Variants in ZFYVE26 observed in about 807,000 individuals in gnomAD.
ZFYVE26 encodes zinc finger FYVE domain-containing protein 26.
A neutral mutation model predicts 276.5 loss-of-function variants in ZFYVE26; 181 were observed. The observed-to-expected ratio is 0.65, with a 90% CI of 0.58 to 0.74. ZFYVE26 has a LOEUF of 0.74. Among genes scored for constraint, ZFYVE26 ranks in the 30% least tolerant of loss-of-function variants. The pLI, the probability that ZFYVE26 is intolerant of heterozygous loss-of-function variation, is 0.00. For synonymous variants in ZFYVE26, 1,129 were observed against 1,203.1 expected (o/e 0.94, Z 1.27); for missense variants, 2,821 against 3,097.9 (o/e 0.91, Z 2.12).
At chr14:67,767,603 A>T in intron 31 of ZFYVE26, 101 bp downstream of exon 31, 1 of 1,511,904 alleles carries the variant, frequency 6.6e-7, no homozygotes, top group Non-Finnish European at 9.2e-7. Flanking sequence ...TGCACTATAA[A>T]CAAGTAAAGG....
intron 13 of ZFYVE26, among the ~76,000 whole-genome samples, chr14:67,731,058 C>T (rs1425530788): frequency 6.6e-6 from 1 of 152,090 alleles, no homozygotes; most frequent in African/African-American, 2.4e-5. Context: ...AAATAAAGTA[C>T]ATATTTATTA....
chr14:67,803,487 G>A (rs187216639), intron 9 of ZFYVE26, among the ~76,000 whole-genome samples: 6 of 151,868 alleles, frequency 4.0e-5, no homozygotes, highest in Admixed American at 1.3e-4. Flanking sequence ...GATTACAGGC[G>A]CGCACCACCA....
intron 35 of ZFYVE26, among the ~76,000 whole-genome samples, chr14:67,758,943 T>A (rs1173075972): frequency 6.6e-6 from 1 of 152,070 alleles, no homozygotes; most frequent in African/African-American, 2.4e-5. Flanking sequence ...CAAATATGAA[T>A]TTTTTAAGAA....
rs140568985 is a variant in ZFYVE26, at chr14:67,808,391, C to T, written c.364-471G>A. Among the ~76,000 whole-genome samples the T allele has an allele frequency of 1.6e-3, 238 of 152,280 alleles. 1 individual carries two copies. The highest frequency in any genetic ancestry group is 5.4e-3 in the African/African-American group (223 of 41,550). On this transcript the variant is annotated intron_variant, in intron 4 of 41. Coordinates refer to ENST00000347230, the MANE Select transcript of ZFYVE26 (RefSeq NM_015346.4). ...CCATGCTTTCAGTCCATTCTTTATC[C>T]TACTACAAAAACCTTCTCCAATACC...
At position 67,780,322 on chromosome 14, in the gene ZFYVE26, T is replaced by G. The variant is rs748595362; in HGVS notation, c.4593A>C (p.Pro1531=). The G allele has an allele frequency of 6.2e-7, 1 of 1,613,636 alleles. No homozygotes were observed. The highest frequency in any genetic ancestry group is 1.7e-5 in the Admixed American group (1 of 59,990). The change falls in exon 23 of 42, where the codon CCA becomes CCC. Residue 1531 remains proline (P), a synonymous_variant. Transcript: ENST00000347230. Reference sequence around the variant, plus strand: ...TCAAGGTCTGCCAGTCACACCACACTGGGGGAGACTGCAAACCCAGAATCT... The same window carrying G: ...TCAAGGTCTGCCAGTCACACCACACGGGGGGAGACTGCAAACCCAGAATCT... ...YQKILGLQSP[P]VWCDWQTLRS...
intron 2 of ZFYVE26, among the ~76,000 whole-genome samples, chr14:67,814,561 A>C (rs534840940): frequency 5.3e-5 from 8 of 150,610 alleles, no homozygotes; most frequent in Non-Finnish European, 4.4e-5. Context: ...ACAAATCAGA[A>C]CCAGAACAGA....
intron 20 of ZFYVE26, among the ~76,000 whole-genome samples, 186 bp from the exon 21 acceptor site, chr14:67,783,711 C>T (rs1270375412): frequency 6.6e-6 from 1 of 152,038 alleles, no homozygotes; most frequent in Non-Finnish European, 1.5e-5. Context: ...TTCACGAACA[C>T]TTCTGCGAGA....
intron 41 of ZFYVE26, 98 bp downstream of exon 41, chr14:67,750,954 G>A (rs1403952251): frequency 7.0e-7 from 1 of 1,436,096 alleles, no homozygotes; most frequent in Non-Finnish European, 9.8e-7. Flanking sequence ...GATACGGGTT[G>A]TATGGAACTA....
chr14:67,754,276 AC>A, intron 37 of ZFYVE26, 64 bp from the exon 38 acceptor site: 5 of 1,603,562 alleles, frequency 3.1e-6, no homozygotes, highest in Non-Finnish European at 4.3e-6. Flanking sequence ...AGGCCAGGAG[AC>A]TGAGAAGTCG....
chr14:67,772,045 A>G lies in ZFYVE26; in HGVS notation c.5484+2T>C. Reference sequence around the variant, plus strand: ...GTGACAGTGGAGACCGATGCTGCTTACCATGGTGAAGTGCTCCCTGCAGCA... The same window carrying G: ...GTGACAGTGGAGACCGATGCTGCTTGCCATGGTGAAGTGCTCCCTGCAGCA... On this transcript the variant is annotated splice_donor_variant, in intron 28 of 41. Transcript: ENST00000347230. LOFTEE classifies it high-confidence loss of function. 6.2e-7 allele frequency: 1 copy of G among 1,610,604 alleles called. No homozygotes were observed. The highest frequency in any genetic ancestry group is 8.5e-7 in the Non-Finnish European group (1 of 1,179,234).
chr14:67,792,000 C>T (rs1432219276), intron 14 of ZFYVE26, among the ~76,000 whole-genome samples: 1 of 147,070 alleles, frequency 6.8e-6, no homozygotes, highest in African/African-American at 2.5e-5. Flanking sequence ...GCAAAGACTG[C>T]AGTGAGCCGA....
Position 67,798,285 on chromosome 14 carries a change from C to G in ZFYVE26, c.1977G>C (p.Gly659=). 6.2e-7 allele frequency: 1 copy of G among 1,614,166 alleles called. No homozygotes were observed. Among genetic ancestry groups the G allele is most frequent in the Non-Finnish European group, 8.5e-7 (1 of 1,180,022 alleles). The change falls in exon 11 of 42, where the codon GGG becomes GGC. Residue 659 remains glycine (G), a synonymous_variant. Coordinates refer to ENST00000347230, the MANE Select transcript of ZFYVE26 (RefSeq NM_015346.4). Reference sequence around the variant, plus strand: ...AGTCCAAAAAGCTGTGCCTATGAGGCCCTGGGTAACTGTCTTTTGGCTCTG... The same window carrying G: ...AGTCCAAAAAGCTGTGCCTATGAGGGCCTGGGTAACTGTCTTTTGGCTCTG... ...VKAEPKDSYP[G]PHRHSFLDLK...
At chr14:67,749,047 T>C (rs7147365) in intron 41 of ZFYVE26, among the ~76,000 whole-genome samples, 147,639 of 152,178 alleles carry the variant, frequency 0.97, 71,755 homozygotes, top group East Asian at 1. Context: ...GTCTCCTTGA[T>C]CAGACTTTAA....
At chr14:67,754,304 A>G (rs1190990600) in intron 37 of ZFYVE26, 92 bp from the exon 38 acceptor site, 9 of 1,540,580 alleles carry the variant, frequency 5.8e-6, no homozygotes, top group African/African-American at 1.4e-5. Flanking sequence ...ATGGCAATGA[A>G]AAAGGGAAAA....
chr14:67,780,139 A>T (rs1353047085), intron 23 of ZFYVE26, 102 bp downstream of exon 23: 2 of 1,158,638 alleles, frequency 1.7e-6, no homozygotes, highest in South Asian at 1.3e-5. Flanking sequence ...TTATTTTTTT[A>T]AAAAGTGAAC....
intron 31 of ZFYVE26, among the ~76,000 whole-genome samples, chr14:67,766,704 T>G (rs958016353): frequency 2.0e-5 from 3 of 152,152 alleles, no homozygotes; most frequent in African/African-American, 4.8e-5. Context: ...TCTTACCCAC[T>G]TCTTTATTTT....
chr14:67,816,405 C>T (rs2040411605), intron 1 of ZFYVE26, 129 bp downstream of exon 1: 1 of 161,146 alleles, frequency 6.2e-6, no homozygotes, highest in Non-Finnish European at 1.4e-5. Context: ...TCTGTTAAGG[C>T]AGAGGATTGA....
chr14:67,769,722 C>A lies in ZFYVE26; in HGVS notation c.5493G>T (p.Arg1831Ser). The change falls in exon 29 of 42, where the codon AGG becomes AGT. Residue 1831 changes from arginine (R) to serine (S), a missense_variant. By Grantham distance (110) the Arg-to-Ser change is moderately radical. Coordinates refer to ENST00000347230, the MANE Select transcript of ZFYVE26 (RefSeq NM_015346.4). ...CCREHFTMFN[R>S]RHHCRRCGRL... ...GGCCACAGCGGCGACAATGATGACG[C>A]CTGTTAAACTGAGGAATGCCATCAG... 6.2e-7 allele frequency: 1 copy of A among 1,613,986 alleles called. No individual in the cohort carries two copies. The highest frequency in any genetic ancestry group is 8.5e-7 in the Non-Finnish European group (1 of 1,179,998).
At chr14:67,782,715 T>C in intron 21 of ZFYVE26, 65 bp downstream of exon 21, 1 of 1,603,242 alleles carries the variant, frequency 6.2e-7, no homozygotes, top group Non-Finnish European at 8.5e-7. Flanking sequence ...TTAAATGTGA[T>C]AATATACCCA....
Sources: gnomAD v4.1 joint callset for allele counts (sites outside exome capture counted in the v4.1 genomes callset) on GRCh38, gnomAD v4.1.1 for gene constraint, MANE v1.5 for transcripts, NCBI Gene and HGNC (gene_info 2026-07-23, HGNC 2026-07-21) for gene names.